The following PALM2AKAP2 variants were observed in gnomAD, a reference collection of about 807,000 sequenced individuals.
The protein encoded by PALM2AKAP2 is PALM2 and AKAP2 fusion.
Under a neutral mutation model 71.5 loss-of-function variants are expected in PALM2AKAP2, and 37 were observed. The ratio of observed to expected loss-of-function variants is 0.52; its 90% confidence interval spans 0.40 to 0.68. The LOEUF (loss-of-function observed/expected upper bound fraction) is 0.68. PALM2AKAP2 is among the 30% of genes least tolerant of loss of function. The pLI, the probability that PALM2AKAP2 is intolerant of heterozygous loss-of-function variation, is 0.00. For synonymous variants in PALM2AKAP2, 468 were observed against 478.8 expected, an observed-to-expected ratio of 0.98 and a Z score of 0.29; for missense variants, 1,224 against 1,191.8, an observed-to-expected ratio of 1.03 and a Z score of -0.40.
At chr9:110,134,391 A>T (rs1010530847) in intron 1 of PALM2AKAP2, among the ~76,000 whole-genome samples, 1 of 152,250 alleles carries the variant, frequency 6.6e-6, no homozygotes, top group Admixed American at 6.5e-5. Context: ...TCACTCCTTA[A>T]CAAAGACCAG....
exon 2 of PALM2AKAP2, chr9:110,137,485 G>A: frequency 1.2e-6 from 2 of 1,614,120 alleles, no homozygotes; most frequent in Middle Eastern, 3.3e-4. Context: ...GGAAGGAAGG[G>A]CCCTACAGCG....
At chr9:109,657,938 TTGTG>T (rs35984840) in intron 1 of PALM2AKAP2, among the ~76,000 whole-genome samples, 7,163 of 142,454 alleles carry the variant, frequency 0.05, 170 homozygotes, top group Middle Eastern at 0.14. Flanking sequence ...TTGTGTGTGT[TTGTG>T]TGTGTGTGTG....
At chr9:110,097,837 T>C (rs370824929) in intron 1 of PALM2AKAP2, among the ~76,000 whole-genome samples, 3,864 of 116,828 alleles carry the variant, frequency 0.033, 676 homozygotes, top group African/African-American at 0.11. Context: ...TGTAGCGAGC[T>C]GAGATCATGC....
chr9:109,996,030 C>T (rs140700904), intron 6 of PALM2AKAP2, among the ~76,000 whole-genome samples: 1 of 152,288 alleles, frequency 6.6e-6, no homozygotes, highest in East Asian at 1.9e-4. Flanking sequence ...ATGTCACAGA[C>T]CACCAGATGG....
chr9:109,742,901 A>G (rs1828736298), intron 1 of PALM2AKAP2, among the ~76,000 whole-genome samples: 1 of 152,200 alleles, frequency 6.6e-6, no homozygotes, highest in Non-Finnish European at 1.5e-5. Context: ...AGCCACAAAA[A>G]GCATGCTTGT....
At chr9:110,137,648 C>G (rs755828958) in exon 2 of PALM2AKAP2, 3 of 1,613,814 alleles carry the variant, frequency 1.9e-6, no homozygotes, top group Non-Finnish European at 2.5e-6. Context: ...CCAAGAGGAG[C>G]TTGACTCTGG....
chr9:109,844,224 G>T (rs1171430234), intron 1 of PALM2AKAP2, among the ~76,000 whole-genome samples: 1 of 152,134 alleles, frequency 6.6e-6, no homozygotes, highest in Non-Finnish European at 1.5e-5. Context: ...TTACAGATAA[G>T]CGAATGGAGA....
rs1564301554 is a variant in PALM2AKAP2, at chr9:110,094,676, CGG to C, written c.157-41449_157-41448del. ...GGAATAGCACCACGGGGCGGGGGGG[CGG>C]GTAATCTGCCCCCATGATCCAATCA... On this transcript the variant is annotated intron_variant, in intron 1 of 3. Transcript: ENST00000374525. 1.4e-4 allele frequency among the ~76,000 whole-genome samples: 6 copies of C among 41,840 alleles called. No individual in the cohort carries two copies. The East Asian group carries it at 2.6e-3, about 18-fold the overall frequency. 27.4% of individuals were successfully genotyped at this position (41,840 alleles called of 152,430 possible).
intron 6 of PALM2AKAP2, among the ~76,000 whole-genome samples, chr9:109,968,707 G>A (rs1371943783): frequency 1.3e-5 from 2 of 152,200 alleles, no homozygotes; most frequent in Non-Finnish European, 2.9e-5. Context: ...CACAGGAATT[G>A]TGGGGGGAAG....
At chr9:109,683,237 T>A (rs1827762725) in intron 1 of PALM2AKAP2, among the ~76,000 whole-genome samples, 1 of 152,226 alleles carries the variant, frequency 6.6e-6, no homozygotes, top group Admixed American at 6.5e-5. Context: ...TAAACCTCTT[T>A]TCTTTATAAA....
At chr9:109,974,805 G>A (rs1161083895) in intron 6 of PALM2AKAP2, among the ~76,000 whole-genome samples, 1 of 152,152 alleles carries the variant, frequency 6.6e-6, no homozygotes, top group Non-Finnish European at 1.5e-5. Flanking sequence ...CATGTGTGCT[G>A]GGAAATAGGT....
intron 3 of PALM2AKAP2, among the ~76,000 whole-genome samples, chr9:109,899,034 T>C (rs568889305): frequency 6.6e-6 from 1 of 152,300 alleles, no homozygotes; most frequent in East Asian, 1.9e-4. Flanking sequence ...CTTCTCCCAT[T>C]CTCTGAGTGA....
intron 1 of PALM2AKAP2, among the ~76,000 whole-genome samples, chr9:109,693,074 G>T (rs1299759099): frequency 6.6e-6 from 1 of 151,882 alleles, no homozygotes; most frequent in Non-Finnish European, 1.5e-5. Flanking sequence ...TAAATGCTTA[G>T]TAGAAATTAC....
At chr9:109,721,843 A>T (rs1828410090) in intron 1 of PALM2AKAP2, among the ~76,000 whole-genome samples, 1 of 152,202 alleles carries the variant, frequency 6.6e-6, no homozygotes. Context: ...TAATGAACTT[A>T]AAGTAACCTT....
chr9:110,137,974 A>G (rs1835932443), exon 2 of PALM2AKAP2: 2 of 1,613,914 alleles, frequency 1.2e-6, no homozygotes, highest in Admixed American at 1.7e-5. Context: ...ATGCCATTCA[A>G]CAAGCCATAG....
chr9:109,707,574 A>G (rs966642298), intron 1 of PALM2AKAP2, among the ~76,000 whole-genome samples: 3 of 152,096 alleles, frequency 2.0e-5, no homozygotes, highest in African/African-American at 7.2e-5. Context: ...ATCTCACCAC[A>G]TTGACTTTTG....
intron 2 of PALM2AKAP2, among the ~76,000 whole-genome samples, chr9:110,144,107 A>AGT (rs1836103141): frequency 6.6e-6 from 1 of 152,234 alleles, no homozygotes; most frequent in Non-Finnish European, 1.5e-5. Context: ...AGCTTGGTGG[A>AGT]GTGTGCCATG....
chr9:109,911,356 A>G (rs1830564931), intron 3 of PALM2AKAP2, among the ~76,000 whole-genome samples: 1 of 152,218 alleles, frequency 6.6e-6, no homozygotes, highest in African/African-American at 2.4e-5. Flanking sequence ...CTACACGGAA[A>G]TCCACTTGCA....
At chr9:109,914,249 A>G (rs1830636404) in intron 3 of PALM2AKAP2, among the ~76,000 whole-genome samples, 1 of 152,212 alleles carries the variant, frequency 6.6e-6, no homozygotes, top group African/African-American at 2.4e-5. Context: ...TCAGCTGCAT[A>G]CATGTGCATT....
Sources: allele counts gnomAD v4.1 joint callset (sites outside exome capture counted in the v4.1 genomes callset), GRCh38; gene constraint gnomAD v4.1.1; transcripts MANE v1.5; gene names NCBI Gene and HGNC (gene_info 2026-07-23, HGNC 2026-07-21).